Variants in KIAA1217 observed in about 807,000 individuals in gnomAD.
KIAA1217 encodes the protein KIAA1217, also known as sickle tail protein homolog.
A neutral mutation model predicts 163.9 loss-of-function variants in KIAA1217; 88 were observed. The observed-to-expected ratio is 0.54, with a 90% CI of 0.45 to 0.64. The LOEUF (loss-of-function observed/expected upper bound fraction) is 0.64. Among genes scored for constraint, KIAA1217 ranks in the 30% least tolerant of loss-of-function variants. The pLI, the probability that KIAA1217 is intolerant of heterozygous loss-of-function variation, is 0.00. For synonymous variants in KIAA1217, 903 were observed against 923.1 expected (o/e 0.98, Z 0.39); for missense variants, 2,372 against 2,475.0 (o/e 0.96, Z 0.88).
chr10:24,209,979 G>A (rs1233424884), intron 1 of KIAA1217, among the ~76,000 whole-genome samples: 2 of 152,152 alleles, frequency 1.3e-5, no homozygotes, highest in Non-Finnish European at 2.9e-5. Context: ...GTGGCCAGAG[G>A]AGGTCCCTGC....
intron 3 of KIAA1217, among the ~76,000 whole-genome samples, chr10:24,397,108 C>T (rs374669773): frequency 0.011 from 1,286 of 114,648 alleles, 25 homozygotes; most frequent in African/African-American, 0.04. Flanking sequence ...GTAAGAAACT[C>T]TTTTTTTTTT....
At chr10:23,927,026 G>T (rs1235259184) in intron 1 of KIAA1217, among the ~76,000 whole-genome samples, 2 of 151,918 alleles carry the variant, frequency 1.3e-5, no homozygotes. Context: ...TCCCACCTCA[G>T]CCTCCCGAGT....
At chr10:24,134,112 C>G (rs1589622532) in intron 2 of KIAA1217, among the ~76,000 whole-genome samples, 2 of 152,276 alleles carry the variant, frequency 1.3e-5, no homozygotes, top group South Asian at 4.1e-4. Flanking sequence ...TCATTTGCTT[C>G]TAGCTAGAGT....
intron 1 of KIAA1217, among the ~76,000 whole-genome samples, chr10:23,958,478 C>T (rs1489138340): frequency 6.6e-6 from 1 of 152,146 alleles, no homozygotes. Context: ...GGACTAGGCT[C>T]ATAGTAAGTA....
intron 2 of KIAA1217, among the ~76,000 whole-genome samples, chr10:24,198,469 C>T (rs1005444357): frequency 7.3e-5 from 11 of 151,504 alleles, no homozygotes; most frequent in Non-Finnish European, 1.3e-4. Flanking sequence ...ATTAGCCAGG[C>T]GTGGTGGTGC....
At chr10:24,295,276 A>C (rs1311884941) in intron 2 of KIAA1217, among the ~76,000 whole-genome samples, 2 of 148,758 alleles carry the variant, frequency 1.3e-5, no homozygotes, top group East Asian at 3.8e-4. Context: ...ACAACTTTTA[A>C]TTAATATATC....
chr10:23,978,985 A>C (rs1271542842), intron 1 of KIAA1217, among the ~76,000 whole-genome samples: 2 of 152,100 alleles, frequency 1.3e-5, no homozygotes, highest in East Asian at 1.9e-4. Context: ...CCTGGGAAGC[A>C]AAGTAAGCTG....
At chr10:24,224,660 T>C (rs1005288244) in intron 2 of KIAA1217, among the ~76,000 whole-genome samples, 3 of 151,992 alleles carry the variant, frequency 2.0e-5, no homozygotes, top group African/African-American at 7.3e-5. Flanking sequence ...TCCTCGTTTG[T>C]CAAAGGAAAA....
chr10:23,985,449 T>C (rs1184490896), intron 1 of KIAA1217, among the ~76,000 whole-genome samples: 6 of 152,188 alleles, frequency 3.9e-5, no homozygotes, highest in African/African-American at 1.2e-4. Flanking sequence ...TTGTTATGAA[T>C]ATTTTTCCAT....
At chr10:23,840,168 T>C (rs930335971) in intron 1 of KIAA1217, among the ~76,000 whole-genome samples, 1 of 152,052 alleles carries the variant, frequency 6.6e-6, no homozygotes, top group Admixed American at 6.6e-5. Context: ...TTCTTTTTTT[T>C]TTTTGAGAGG....
At chr10:24,438,621 T>G in intron 5 of KIAA1217, 142 bp downstream of exon 5, 1 of 595,054 alleles carries the variant, frequency 1.7e-6, no homozygotes, top group Non-Finnish European at 3.0e-6. Context: ...GATCATTATT[T>G]GTTCTTGGTA....
chr10:23,934,603 A>G lies in KIAA1217; in HGVS notation c.-320-72622A>G, dbSNP rs28522582. 2.3e-3 allele frequency among the ~76,000 whole-genome samples: 182 copies of G among 77,746 alleles called. 16 individuals carry two copies. The highest frequency in any genetic ancestry group is 0.02 in the African/African-American group (145 of 7,412). The allele number at this position is 77,746 out of a possible 152,430, so 51.0% of individuals were successfully genotyped here. On this transcript the variant is annotated intron_variant, in intron 1 of 18. Transcript: ENST00000376462. ...TATATATATATATGTATATATATATATATGTATATATATATATATATATTT... is the reference window on the plus strand; with the variant it reads ...TATATATATATATGTATATATATATGTATGTATATATATATATATATATTT...
chr10:23,887,905 A>C (rs1280826860), intron 1 of KIAA1217, among the ~76,000 whole-genome samples: 1 of 151,722 alleles, frequency 6.6e-6, no homozygotes, highest in Non-Finnish European at 1.5e-5. Context: ...TTATCCAGCT[A>C]CTGGCCAGTG....
At chr10:24,084,635 G>A (rs536768557) in intron 2 of KIAA1217, among the ~76,000 whole-genome samples, 1 of 152,270 alleles carries the variant, frequency 6.6e-6, no homozygotes, top group African/African-American at 2.4e-5. Flanking sequence ...GTCACAAAAA[G>A]CCACACAGAG....
At chr10:23,826,970 A>G (rs1837927572) in intron 1 of KIAA1217, among the ~76,000 whole-genome samples, 1 of 152,142 alleles carries the variant, frequency 6.6e-6, no homozygotes, top group Non-Finnish European at 1.5e-5. Context: ...CATGGGCACT[A>G]TGGACAAATA....
chr10:23,722,878 G>T (rs754331200), intron 1 of KIAA1217, among the ~76,000 whole-genome samples: 5 of 152,150 alleles, frequency 3.3e-5, no homozygotes, highest in Non-Finnish European at 7.3e-5. Flanking sequence ...AGTTCCTAAG[G>T]AGTAGGCTTC....
At chr10:24,340,032 G>T (rs2046872303) in intron 2 of KIAA1217, among the ~76,000 whole-genome samples, 1 of 152,184 alleles carries the variant, frequency 6.6e-6, no homozygotes, top group Non-Finnish European at 1.5e-5. Flanking sequence ...CAGGCTGTGT[G>T]GTTCTGTGGG....
chr10:23,974,890 C>G (rs1013612094), intron 1 of KIAA1217, among the ~76,000 whole-genome samples: 19 of 151,774 alleles, frequency 1.3e-4, no homozygotes, highest in East Asian at 3.9e-4. Context: ...CCTTCCCCCC[C>G]CCATAGATAG....
chr10:23,791,129 G>A (rs1260516895), intron 1 of KIAA1217, among the ~76,000 whole-genome samples: 4 of 152,120 alleles, frequency 2.6e-5, no homozygotes, highest in African/African-American at 9.7e-5. Context: ...ATAAATAGCT[G>A]TCTTTCAAAA....
Sources: gnomAD v4.1 joint callset for allele counts (sites outside exome capture counted in the v4.1 genomes callset) on GRCh38, gnomAD v4.1.1 for gene constraint, MANE v1.5 for transcripts, NCBI Gene and HGNC (gene_info 2026-07-23, HGNC 2026-07-21) for gene names.